Variants in RAD17 observed in about 807,000 individuals in gnomAD.
RAD17 encodes cell cycle checkpoint protein RAD17.
In RAD17, 31 loss-of-function variants were observed where a neutral mutation model predicts 81.5. That is an observed-to-expected ratio of 0.38 (90% CI 0.29 to 0.51). The LOEUF is 0.51. Among genes scored for constraint, RAD17 ranks in the 20% least tolerant of loss-of-function variants. The pLI, the probability that RAD17 is intolerant of heterozygous loss-of-function variation, is 0.88. For synonymous variants in RAD17, 261 were observed against 266.2 expected, an observed-to-expected ratio of 0.98 and a Z score of 0.19; for missense variants, 681 against 781.2, an observed-to-expected ratio of 0.87 and a Z score of 1.53.
chr5:69,388,948 A>T, intron 11 of RAD17, 86 bp from the exon 12 acceptor site: 1 of 680,122 alleles, frequency 1.5e-6, no homozygotes, highest in Non-Finnish European at 2.2e-6. Flanking sequence ...ATTTACGTTA[A>T]TTAAGTTTAG....
rs756207888 is a variant in RAD17 at position 69,371,221 on chromosome 5, CATT to C, written c.-280+51_-280+53del. On this transcript the variant is annotated intron_variant, in intron 2 of 18. Coordinates refer to ENST00000354868, the MANE Select transcript of RAD17 (RefSeq NM_133338.3). ...TTTTGTTTTTTTTTTTCTAATACATCATTGAGTTCATGTGAAAAACTCTTAACA... is the reference window on the plus strand; with the variant it reads ...TTTTGTTTTTTTTTTTCTAATACATCGAGTTCATGTGAAAAACTCTTAACA... 688 of 522,806 alleles carry C rather than the reference CATT, an allele frequency of 1.3e-3. 3 individuals are homozygous for C. Among genetic ancestry groups the C allele is most frequent in the Non-Finnish European group, 1.6e-3 (460 of 280,848 alleles). The allele number at this position is 522,806 out of a possible 1,614,324, so 32.4% of individuals were successfully genotyped here.
At chr5:69,369,444 C>G, upstream of RAD17, 1 of 1,609,692 alleles carries the variant, frequency 6.2e-7, no homozygotes, top group Non-Finnish European at 8.5e-7. Flanking sequence ...CCCAGTCCCT[C>G]CCGGCCGCGC....
At chr5:69,377,623 G>GTATA (rs1561240134) in intron 6 of RAD17, among the ~76,000 whole-genome samples, 1 of 15,406 alleles carries the variant, frequency 6.5e-5, no homozygotes. Context: ...ACATATATAT[G>GTATA]CATATATATG....
intron 7 of RAD17, among the ~76,000 whole-genome samples, chr5:69,382,758 A>G (rs1763935143): frequency 6.6e-6 from 1 of 152,218 alleles, no homozygotes; most frequent in African/African-American, 2.4e-5. Flanking sequence ...TGGAATTTGG[A>G]AGGAGGCCTT....
intron 6 of RAD17, among the ~76,000 whole-genome samples, chr5:69,378,570 A>T (rs1464453874): frequency 6.6e-6 from 1 of 152,226 alleles, no homozygotes; most frequent in Admixed American, 6.5e-5. Context: ...AAGTTGCTGA[A>T]TTAGCAAATA....
At chr5:69,374,596 GTT>G in intron 5 of RAD17, 30 bp from the exon 6 acceptor site, 1 of 1,552,254 alleles carries the variant, frequency 6.4e-7, no homozygotes, top group African/African-American at 1.4e-5. Flanking sequence ...CAGTTAAGAA[GTT>G]TTGTTTTAAA....
intron 17 of RAD17, among the ~76,000 whole-genome samples, chr5:69,404,831 A>G (rs542230460): frequency 6.6e-6 from 1 of 151,878 alleles, no homozygotes; most frequent in African/African-American, 2.4e-5. Context: ...AGTCCCAGCT[A>G]CTTGGAGGCT....
At chr5:69,371,200 G>GTTT (rs376841818) in intron 2 of RAD17, 29 bp downstream of exon 2, 14 of 428,252 alleles carry the variant, frequency 3.3e-5, no homozygotes, top group South Asian at 6.2e-5. Context: ...TGGTTTTTTT[G>GTTT]TTTTTTTTTT....
At position 69,396,505 on chromosome 5, in the gene RAD17, C is replaced by T. The variant is rs774293177; in HGVS notation, c.1531C>T (p.Arg511Ter). ...AHCQGGGSSF[R>*]PLHKPQWFLI... The stretch of plus-strand genomic sequence containing the variant: ...TTGCCAAGGAGGAGGATCAAGTTTT[C>T]GACCCTTGCACAAACCTCAGTGGTT... The change falls in exon 16 of 19, where the codon CGA becomes TGA. Residue 511 changes from arginine to a stop codon, truncating the protein, a stop_gained. Transcript: ENST00000354868. LOFTEE classifies it high-confidence loss of function. 6 of 1,609,326 alleles carry T rather than the reference C, an allele frequency of 3.7e-6. No homozygotes were observed. Among genetic ancestry groups the T allele is most frequent in the Middle Eastern group, 1.6e-4 (1 of 6,066 alleles).
chr5:69,390,270 T>C (rs1764468651), intron 12 of RAD17, among the ~76,000 whole-genome samples: 1 of 152,180 alleles, frequency 6.6e-6, no homozygotes, highest in African/African-American at 2.4e-5. Flanking sequence ...AGTATTTTGA[T>C]TCAAATCCAG....
At position 69,371,491 on chromosome 5, in the gene RAD17, C is replaced by T. The variant is rs770411310; in HGVS notation, c.-242C>T. ...TTAATGTACTGCAAGTCCTAAACTACGGATGGGAACTATTACAGTTTATAA... is the reference window on the plus strand; with the variant it reads ...TTAATGTACTGCAAGTCCTAAACTATGGATGGGAACTATTACAGTTTATAA... On this transcript the variant is annotated 5_prime_UTR_variant, in exon 3 of 19. It adds an upstream start codon to the 5' untranslated region. Transcript: ENST00000354868. 3.1e-5 allele frequency: 37 copies of T among 1,176,232 alleles called. No homozygotes were observed. The highest frequency in any genetic ancestry group is 4.3e-5 in the East Asian group (1 of 23,140). The allele number at this position is 1,176,232 out of a possible 1,614,324, so 72.9% of individuals were successfully genotyped here.
At chr5:69,404,215 C>T (rs1278315800) in intron 17 of RAD17, among the ~76,000 whole-genome samples, 4 of 151,986 alleles carry the variant, frequency 2.6e-5, no homozygotes, top group Non-Finnish European at 5.9e-5. Context: ...TTTAAAGATC[C>T]TGATTATAGG....
At chr5:69,410,963 G>GTC (rs1765939612) in intron 18 of RAD17, among the ~76,000 whole-genome samples, 3 of 3,996 alleles carry the variant, frequency 7.5e-4, no homozygotes, top group Admixed American at 2.4e-3. Context: ...ATAGATGTCT[G>GTC]TCTATATATA....
chr5:69,414,185 C>T lies in RAD17; in HGVS notation c.1906C>T (p.Gln636Ter), dbSNP rs763113163. The change falls in exon 19 of 19, where the codon CAG becomes TAG. Residue 636 changes from glutamine to a stop codon, truncating the protein, a stop_gained. Coordinates refer to ENST00000354868, the MANE Select transcript of RAD17 (RefSeq NM_133338.3). LOFTEE classifies it high-confidence loss of function. ...GGAAACCTGGTCTCTTCCTTTGAGT[C>T]AGAATAGTGCCAGTGAACTGCCTGC... Reference protein sequence around the residue: ...VPETWSLPLSQNSASELPASQ... With the variant: ...VPETWSLPLS 19 of 1,614,120 alleles carry T rather than the reference C, an allele frequency of 1.2e-5. No homozygotes were observed. The highest frequency in any genetic ancestry group is 1.6e-5 in the Non-Finnish European group (19 of 1,180,060).
chr5:69,403,946 A>G (rs1352476370), intron 17 of RAD17, among the ~76,000 whole-genome samples: 1 of 152,126 alleles, frequency 6.6e-6, no homozygotes, highest in African/African-American at 2.4e-5. Flanking sequence ...AAAAAATAAA[A>G]TAAAATTTCT....
intron 17 of RAD17, among the ~76,000 whole-genome samples, chr5:69,401,328 A>G (rs1303432443): frequency 2.6e-5 from 4 of 152,256 alleles, no homozygotes; most frequent in African/African-American, 7.2e-5. Flanking sequence ...AACATGCAGA[A>G]TGAGGCAAGC....
Position 69,369,895 on chromosome 5 carries a change from C to T in RAD17, c.-455C>T, listed in dbSNP as rs1762819232. The T allele has an allele frequency of 6.7e-6, 4 of 595,018 alleles. No individual in the cohort carries two copies. The highest frequency in any genetic ancestry group is 3.8e-5 in the African/African-American group (2 of 52,182). 36.9% of individuals were successfully genotyped at this position (595,018 alleles called of 1,614,324 possible). ...TTCACCTAGGGTAGTCCCTGGTCGC[C>T]TCCGCTCTTCGCCTAAAAGGGGATG... is the stretch of plus-strand genomic sequence containing the variant. On this transcript the variant is annotated 5_prime_UTR_variant, in exon 1 of 19. Transcript: ENST00000354868.
chr5:69,400,033 TTTC>T lies in RAD17; in HGVS notation c.1573-13_1573-11del. 1 of 1,521,018 alleles carries T rather than the reference TTTC, an allele frequency of 6.6e-7. No homozygotes were observed. Among genetic ancestry groups the T allele is most frequent in the Non-Finnish European group, 8.9e-7 (1 of 1,129,632 alleles). 94.2% of individuals were successfully genotyped at this position (1,521,018 alleles called of 1,614,324 possible). A position where few individuals can be genotyped will look rare whatever the true frequency, so the allele number is the denominator to read the frequency against. On this transcript the variant is annotated splice_polypyrimidine_tract_variant and intron_variant, in intron 16 of 18. Transcript: ENST00000354868. ...TTCATTTTTCCTTTCATCTTTTTTT[TTTC>T]TTTTCTATACAGTATCGGGAAAATT...
intron 15 of RAD17, among the ~76,000 whole-genome samples, chr5:69,394,727 C>T (rs1008064559): frequency 3.3e-5 from 5 of 152,096 alleles, no homozygotes; most frequent in African/African-American, 4.8e-5. Context: ...TTCTGTTGGA[C>T]GACACTATTT....
Sources: gnomAD v4.1 joint callset for allele counts (sites outside exome capture counted in the v4.1 genomes callset) on GRCh38, gnomAD v4.1.1 for gene constraint, MANE v1.5 for transcripts, NCBI Gene and HGNC (gene_info 2026-07-23, HGNC 2026-07-21) for gene names.